The following TSC22D1 variants were observed in gnomAD, a reference collection of about 807,000 sequenced individuals.
TSC22D1 encodes the protein TSC22 domain family member 1.
A neutral mutation model predicts 74.2 loss-of-function variants in TSC22D1; 9 were observed. The ratio of observed to expected loss-of-function variants is 0.12; its 90% confidence interval spans 0.07 to 0.21. The LOEUF is 0.21. Ranked by LOEUF, TSC22D1 falls within the 10% of genes least tolerant of loss-of-function variation. The pLI is 1.00. For synonymous variants in TSC22D1, 586 were observed against 492.5 expected, an observed-to-expected ratio of 1.19 and a Z score of -2.51; for missense variants, 1,427 against 1,304.7, an observed-to-expected ratio of 1.09 and a Z score of -1.44.
At chr13:44,534,380 A>G (rs1253576192) in intron 1 of TSC22D1, among the ~76,000 whole-genome samples, 1 of 148,742 alleles carries the variant, frequency 6.7e-6, no homozygotes, top group Admixed American at 6.7e-5. Context: ...AAAAAAAAAA[A>G]AGCCAAAAAT....
intron 1 of TSC22D1, among the ~76,000 whole-genome samples, chr13:44,553,873 G>C (rs61947991): frequency 2.0e-5 from 3 of 152,130 alleles, no homozygotes; most frequent in Non-Finnish European, 4.4e-5. Context: ...CATTTAGAAT[G>C]ATGGTGCTAG....
chr13:44,564,900 T>C (rs568440198), intron 1 of TSC22D1, among the ~76,000 whole-genome samples: 4 of 152,136 alleles, frequency 2.6e-5, no homozygotes, highest in African/African-American at 9.6e-5. Context: ...ATGATCAAGA[T>C]GTAGAGAGCA....
At chr13:44,450,155 G>A (rs1335596348) in intron 1 of TSC22D1, among the ~76,000 whole-genome samples, 3 of 152,196 alleles carry the variant, frequency 2.0e-5, no homozygotes, top group African/African-American at 4.8e-5. Flanking sequence ...TAGACTACAA[G>A]GTACAAAGAG....
At chr13:44,464,559 TTAAG>T (rs1877164837) in intron 1 of TSC22D1, among the ~76,000 whole-genome samples, 1 of 152,158 alleles carries the variant, frequency 6.6e-6, no homozygotes. Flanking sequence ...GGCAAATCAA[TTAAG>T]TGATTAGTAA....
chr13:44,575,949 A>G lies in TSC22D1; in HGVS notation c.126T>C (p.Asn42=), dbSNP rs954989156. 2 of 1,610,376 alleles carry G rather than the reference A, an allele frequency of 1.2e-6. No individual in the cohort carries two copies. The highest frequency in any genetic ancestry group is 1.7e-5 in the Admixed American group (1 of 59,432). Residue 42 remains asparagine, a synonymous_variant, in exon 1 of 3, where the codon AAT becomes AAC. Transcript: ENST00000458659. Reference sequence around the variant, plus strand: ...TACTACCGACGCCGGTACCTGCTGCATTGAGAGCAGAGGCGCTGCCACTAC... The same window carrying G: ...TACTACCGACGCCGGTACCTGCTGCGTTGAGAGCAGAGGCGCTGCCACTAC... The part of the protein sequence containing the change: ...GSGSGSASAL[N]AAGTGVGSNA...
chr13:44,468,679 G>A lies in TSC22D1; in HGVS notation c.2913-32584C>T, dbSNP rs574246417. 1.5e-4 allele frequency among the ~76,000 whole-genome samples: 23 copies of A among 149,810 alleles called. No individual in the cohort carries two copies. In the South Asian group the frequency reaches 4.2e-3, roughly 28 times the overall value. On this transcript the variant is annotated intron_variant, in intron 1 of 2. Coordinates refer to ENST00000458659, the MANE Select transcript of TSC22D1 (RefSeq NM_183422.4). ...GCTATACTATGGGAATGTTCAAGTC[G>A]CTTTAGCCATTTCACTCTTTGAAAT...
rs535035753 is a variant in TSC22D1 at position 44,432,352 on chromosome 13, C to G, written c.*2274G>C. The G allele has an allele frequency of 6.4e-4, 98 of 152,242 alleles. No homozygotes were observed. Among genetic ancestry groups the G allele is most frequent in the African/African-American group, 2.1e-3 (88 of 41,554 alleles). The allele number at this position is 152,242 out of a possible 1,614,324, so 9.4% of individuals were successfully genotyped here. The stretch of plus-strand genomic sequence containing the variant: ...GTATTTTAAAGATCTTCATTAAAAA[C>G]ATAAAAAATGAAATGGCTAGGGATT... On this transcript the variant is annotated 3_prime_UTR_variant, in exon 3 of 3. Transcript: ENST00000458659.
intron 1 of TSC22D1, among the ~76,000 whole-genome samples, chr13:44,565,411 T>C (rs145393923): frequency 6.6e-6 from 1 of 152,220 alleles, no homozygotes; most frequent in East Asian, 1.9e-4. Context: ...AAGGTCAAGA[T>C]TTCCTGGTCA....
chr13:44,495,930 T>C (rs1464687491), intron 1 of TSC22D1, among the ~76,000 whole-genome samples: 1 of 152,214 alleles, frequency 6.6e-6, no homozygotes, highest in Non-Finnish European at 1.5e-5. Flanking sequence ...AACCTTGGAC[T>C]TGACAATAGA....
chr13:44,444,167 T>A (rs1171260706), intron 1 of TSC22D1, among the ~76,000 whole-genome samples: 1 of 149,322 alleles, frequency 6.7e-6, no homozygotes, highest in African/African-American at 2.5e-5. Context: ...TAATCCCAGC[T>A]ACTTGGGAGG....
In TSC22D1 at chr13:44,575,230, G is replaced by A. The variant is rs1379944405; in HGVS notation, c.845C>T (p.Ser282Phe). 1.2e-6 allele frequency: 2 copies of A among 1,614,042 alleles called. No homozygotes were observed. The highest frequency in any genetic ancestry group is 1.3e-5 in the African/African-American group (1 of 75,022). The change falls in exon 1 of 3, where the codon TCC (serine) becomes TTC (phenylalanine). Residue 282 changes from serine to phenylalanine, a missense_variant. Physicochemically the swap from Ser to Phe is radical, Grantham distance 155. Transcript: ENST00000458659. ...TPVAPTSAVSSSGSPASVMTN... is the reference protein window; with the variant it reads ...TPVAPTSAVSFSGSPASVMTN... Reference sequence around the variant, plus strand: ...CATTACAGATGCAGGTGAACCACTGGATGATACAGCAGAAGTTGGTGCAAC... The same window carrying A: ...CATTACAGATGCAGGTGAACCACTGAATGATACAGCAGAAGTTGGTGCAAC...
In TSC22D1 at chr13:44,574,121, G is replaced by A. The variant is rs9525983; in HGVS notation, c.1954C>T (p.Pro652Ser). ...TGCTGTTGTACATACTCTGAAGCAG[G>A]ATTTTGAGTCACTGATTTGACATGG... is the stretch of plus-strand genomic sequence containing the variant. The part of the protein sequence containing the change: ...PGHVKSVTQN[P>S]ASEYVQQQPI... The change falls in exon 1 of 3, where the codon CCT (proline) becomes TCT (serine). Residue 652 changes from proline to serine, a missense_variant. Transcript: ENST00000458659. 175,174 of 1,614,212 alleles carry A rather than the reference G, an allele frequency of 0.11. 10,312 individuals are homozygous for A. The highest frequency in any genetic ancestry group is 0.12 in the Non-Finnish European group (144,400 of 1,180,016).
intron 1 of TSC22D1, among the ~76,000 whole-genome samples, chr13:44,498,113 G>T (rs1346128909): frequency 6.7e-6 from 1 of 148,316 alleles, no homozygotes; most frequent in East Asian, 2.0e-4. Flanking sequence ...AAAAAAAAAT[G>T]TCTCCACAAA....
At chr13:44,516,391 A>C in intron 1 of TSC22D1, 1 of 424,004 alleles carries the variant, frequency 2.4e-6, no homozygotes, top group South Asian at 1.9e-5. Flanking sequence ...AAAATCTCTT[A>C]ATAAATAAAA....
intron 1 of TSC22D1, among the ~76,000 whole-genome samples, chr13:44,540,589 AAAATCCTTTTTAAAATGCAT>A (rs1881410397): frequency 6.6e-6 from 1 of 152,334 alleles, no homozygotes; most frequent in South Asian, 2.1e-4. Context: ...ATACAGACTC[AAAATCCTTTTTAAAATGCAT>A]AATCATTTTC....
In TSC22D1 at chr13:44,499,125, T is replaced by C. The variant is rs961675204; in HGVS notation, c.2913-63030A>G. 8.5e-5 allele frequency among the ~76,000 whole-genome samples: 13 copies of C among 152,366 alleles called. No individual in the cohort carries two copies. The East Asian group carries it at 2.1e-3, about 25-fold the overall frequency. ...CAGTCTTTAGAGTTTGACATAGTTA[T>C]ACTCACTCCTGTACCACTATCTACC... On this transcript the variant is annotated intron_variant, in intron 1 of 2. Coordinates refer to ENST00000458659, the MANE Select transcript of TSC22D1 (RefSeq NM_183422.4).
chr13:44,530,400 T>C (rs1339690453), intron 1 of TSC22D1, among the ~76,000 whole-genome samples: 1 of 151,830 alleles, frequency 6.6e-6, no homozygotes, highest in African/African-American at 2.4e-5. Context: ...TCACAAAAAC[T>C]GAGACCAAGT....
intron 1 of TSC22D1, chr13:44,539,163 T>C (rs1881319862): frequency 3.0e-6 from 3 of 985,224 alleles, no homozygotes; most frequent in African/African-American, 3.5e-5. Flanking sequence ...TTGAGTATAT[T>C]AAACATAGCT....
intron 1 of TSC22D1, among the ~76,000 whole-genome samples, chr13:44,481,072 G>C (rs560502242): frequency 5.3e-5 from 8 of 152,332 alleles, no homozygotes; most frequent in African/African-American, 1.9e-4. Flanking sequence ...AATAGTAAAT[G>C]AGACTGAAAA....
Sources: gnomAD v4.1 joint callset for allele counts (sites outside exome capture counted in the v4.1 genomes callset) on GRCh38, gnomAD v4.1.1 for gene constraint, MANE v1.5 for transcripts, NCBI Gene and HGNC (gene_info 2026-07-23, HGNC 2026-07-21) for gene names.